SNTG1: variants seen among roughly 807,000 people sequenced by gnomAD.
The protein encoded by SNTG1 is syntrophin gamma 1.
In SNTG1, 39 loss-of-function variants were observed where a neutral mutation model predicts 74.7. The ratio of observed to expected loss-of-function variants is 0.52; its 90% CI spans 0.40 to 0.68. The LOEUF is 0.68. Ranked by LOEUF, SNTG1 falls within the 30% of genes least tolerant of loss-of-function variation. The pLI, the probability that SNTG1 is intolerant of heterozygous loss-of-function variation, is 0.00. For missense variants in SNTG1, 685 were observed against 609.5 expected (o/e 1.12, Z -1.30); for synonymous variants, 254 against 217.1 (o/e 1.17, Z -1.49).
At chr8:50,528,750 A>G (rs1428129232) in intron 9 of SNTG1, among the ~76,000 whole-genome samples, 1 of 142,428 alleles carries the variant, frequency 7.0e-6, no homozygotes, top group Non-Finnish European at 1.6e-5. Context: ...CTCAGTAATG[A>G]CCCCTCCTTC....
chr8:50,769,693 A>G (rs1213282527), intron 18 of SNTG1, among the ~76,000 whole-genome samples: 1 of 152,038 alleles, frequency 6.6e-6, no homozygotes, highest in Non-Finnish European at 1.5e-5. Context: ...TCATCATGCC[A>G]CCTTAACATT....
rs562783520 is a variant in SNTG1 at position 50,227,885 on chromosome 8, C to T, written c.-28+55250C>T. Among the ~76,000 whole-genome samples, 123 of 145,386 alleles carry T rather than the reference C, an allele frequency of 8.5e-4. 2 individuals carry two copies. The highest frequency in any genetic ancestry group is 2.9e-3 in the African/African-American group (116 of 39,678). ...TCTTTAGTTTATACTCAATGCAATACGTCCAGCCTCCAAAAAAAATGACAT... is the reference window on the plus strand; with the variant it reads ...TCTTTAGTTTATACTCAATGCAATATGTCCAGCCTCCAAAAAAAATGACAT... On this transcript the variant is annotated intron_variant, in intron 2 of 18. Transcript: ENST00000642720.
chr8:50,613,063 A>C (rs992741243), intron 13 of SNTG1, among the ~76,000 whole-genome samples: 2 of 152,208 alleles, frequency 1.3e-5, no homozygotes, highest in African/African-American at 4.8e-5. Flanking sequence ...TACTAATTGA[A>C]GAAGAAGGAG....
intron 3 of SNTG1, among the ~76,000 whole-genome samples, chr8:50,395,197 A>T (rs10957899): frequency 1.6e-4 from 24 of 152,090 alleles, no homozygotes; most frequent in African/African-American, 3.1e-4. Context: ...ACTGTTGGTA[A>T]GAAGTTCAGA....
At position 50,619,148 on chromosome 8, in the gene SNTG1, A is replaced by T. The variant is rs1327434665; in HGVS notation, c.849+28231A>T. Among the ~76,000 whole-genome samples, 6 of 152,204 alleles carry T rather than the reference A, an allele frequency of 3.9e-5. No individual in the cohort carries two copies. The South Asian group carries it at 1.2e-3, about 32-fold the overall frequency. ...GATAGAGCATCAAAGTGGTTCTGCT[A>T]TTATTAGAGCACTATGCTGAATATC... On this transcript the variant is annotated intron_variant, in intron 13 of 18. Transcript: ENST00000642720.
chr8:49,980,521 C>CAAAAAAAAAAAA lies in SNTG1; in HGVS notation c.-103+68309_-103+68320dup, dbSNP rs565561398. Among the ~76,000 whole-genome samples the CAAAAAAAAAAAA allele has an allele frequency of 4.1e-4, 22 of 53,828 alleles. 2 individuals carry two copies. Among genetic ancestry groups the CAAAAAAAAAAAA allele is most frequent in the African/African-American group, 1.2e-3 (16 of 13,594 alleles). The allele number at this position is 53,828 out of a possible 152,430, so 35.3% of individuals were successfully genotyped here. A position where few individuals can be genotyped will look rare whatever the true frequency, so the allele number is the denominator to read the frequency against. ...ACATCCCTTCCTGTAGACTCCTTCG[C>CAAAAAAAAAAAA]AAAAAAAAAAAAAAAAAAAAAAAAA... is the stretch of plus-strand genomic sequence containing the variant. On this transcript the variant is annotated intron_variant, in intron 1 of 18. Transcript: ENST00000642720.
At chr8:50,395,685 A>G (rs577591540) in intron 3 of SNTG1, among the ~76,000 whole-genome samples, 75 of 151,424 alleles carry the variant, frequency 5.0e-4, no homozygotes, top group Admixed American at 9.9e-4. Context: ...TTTATTTTGT[A>G]TTTTTGTATT....
chr8:50,219,175 G>C (rs1383133652), intron 2 of SNTG1, among the ~76,000 whole-genome samples: 1 of 152,148 alleles, frequency 6.6e-6, no homozygotes, highest in African/African-American at 2.4e-5. Context: ...TGACAGGCTG[G>C]TTACAAGGCA....
chr8:50,583,588 G>A (rs187537102), intron 12 of SNTG1, among the ~76,000 whole-genome samples: 1 of 151,902 alleles, frequency 6.6e-6, no homozygotes, highest in African/African-American at 2.4e-5. Context: ...CCCAATGGAA[G>A]GAAATAGGTC....
At chr8:49,916,530 A>C (rs1806054305) in intron 1 of SNTG1, among the ~76,000 whole-genome samples, 2 of 152,202 alleles carry the variant, frequency 1.3e-5, no homozygotes, top group Non-Finnish European at 2.9e-5. Context: ...TATTTTTAAA[A>C]TTAAAAATTG....
chr8:50,262,976 G>T (rs1055287767), intron 2 of SNTG1, among the ~76,000 whole-genome samples: 3 of 152,100 alleles, frequency 2.0e-5, no homozygotes, highest in Non-Finnish European at 2.9e-5. Flanking sequence ...AATTTTTAGT[G>T]CAGTTAAAAT....
chr8:50,457,960 G>A (rs1251910095), intron 8 of SNTG1: 1 of 152,186 alleles, frequency 6.6e-6, no homozygotes, highest in Non-Finnish European at 1.5e-5. Context: ...GAGGTGAGAG[G>A]ATTCTTTTTT....
At chr8:49,992,264 C>A (rs891504231) in intron 1 of SNTG1, among the ~76,000 whole-genome samples, 1 of 152,036 alleles carries the variant, frequency 6.6e-6, no homozygotes, top group Non-Finnish European at 1.5e-5. Flanking sequence ...TATAATAGGT[C>A]AAGGTGTGTG....
intron 2 of SNTG1, among the ~76,000 whole-genome samples, chr8:50,320,107 T>C (rs1365865786): frequency 6.6e-6 from 1 of 152,194 alleles, no homozygotes; most frequent in Non-Finnish European, 1.5e-5. Context: ...CTTTCAATGT[T>C]TGATAGGGTT....
intron 13 of SNTG1, among the ~76,000 whole-genome samples, chr8:50,639,234 C>A (rs544531820): frequency 7.1e-6 from 1 of 140,954 alleles, no homozygotes; most frequent in Non-Finnish European, 1.5e-5. Flanking sequence ...AAAAAAAAAG[C>A]TATTTCTGTA....
At chr8:50,622,746 G>A (rs1302014820) in intron 13 of SNTG1, among the ~76,000 whole-genome samples, 1 of 152,026 alleles carries the variant, frequency 6.6e-6, no homozygotes, top group Non-Finnish European at 1.5e-5. Flanking sequence ...AAAAAGGTCG[G>A]TGGTAACATT....
intron 1 of SNTG1, among the ~76,000 whole-genome samples, chr8:50,060,614 T>G (rs935186500): frequency 4.6e-5 from 7 of 152,074 alleles, no homozygotes; most frequent in Admixed American, 6.6e-5. Flanking sequence ...ATCAAAGCGG[T>G]GACAGCAGAC....
At chr8:50,470,863 C>T (rs975134438) in intron 8 of SNTG1, among the ~76,000 whole-genome samples, 2 of 152,132 alleles carry the variant, frequency 1.3e-5, no homozygotes, top group South Asian at 2.1e-4. Context: ...TGGTGGCCGG[C>T]GTTTATTCCC....
chr8:50,535,358 T>G (rs918292003), intron 10 of SNTG1, among the ~76,000 whole-genome samples: 1 of 152,178 alleles, frequency 6.6e-6, no homozygotes, highest in Admixed American at 6.5e-5. Flanking sequence ...CCATGTCATA[T>G]GCTGACCACC....
Sources: gnomAD v4.1 joint callset for allele counts (sites outside exome capture counted in the v4.1 genomes callset) on GRCh38, gnomAD v4.1.1 for gene constraint, MANE v1.5 for transcripts, NCBI Gene and HGNC (gene_info 2026-07-23, HGNC 2026-07-21) for gene names.